Variants in SEMA6A observed in about 807,000 individuals in gnomAD.
SEMA6A encodes the protein semaphorin 6A, also known as semaphorin-6A.
SEMA6A carries 25 observed loss-of-function variants against 96.8 expected under a neutral mutation model. That is an observed-to-expected ratio of 0.26 (90% confidence interval 0.19 to 0.36). SEMA6A has a LOEUF of 0.36. SEMA6A is among the 10% of genes least tolerant of loss of function. The pLI is 1.00. For missense variants in SEMA6A, 1,363 were observed against 1,323.1 expected, an observed-to-expected ratio of 1.03 and a Z score of -0.47; for synonymous variants, 612 against 518.0, an observed-to-expected ratio of 1.18 and a Z score of -2.46.
intron 17 of SEMA6A, 98 bp downstream of exon 17, chr5:116,472,975 A>G: frequency 6.6e-7 from 1 of 1,516,314 alleles, no homozygotes; most frequent in South Asian, 1.3e-5. Context: ...AATTAAAAAG[A>G]AACTTAAGAT....
intron 11 of SEMA6A, among the ~76,000 whole-genome samples, chr5:116,481,117 C>A (rs905295683): frequency 1.3e-5 from 2 of 152,176 alleles, no homozygotes; most frequent in African/African-American, 4.8e-5. Context: ...CGTAGAGCAT[C>A]CTGACTGCTG....
intron 16 of SEMA6A, among the ~76,000 whole-genome samples, chr5:116,473,396 C>T (rs921413035): frequency 4.6e-5 from 7 of 152,340 alleles, no homozygotes; most frequent in Admixed American, 2.0e-4. Context: ...AGAGTTTAAA[C>T]CCTTCTTTAT....
chr5:116,505,961 AT>A (rs1429384281), intron 1 of SEMA6A, among the ~76,000 whole-genome samples: 2 of 152,172 alleles, frequency 1.3e-5, no homozygotes, highest in African/African-American at 2.4e-5. Context: ...TATCATGAAA[AT>A]TAATGTAAAA....
intron 1 of SEMA6A, among the ~76,000 whole-genome samples, chr5:116,516,974 A>C (rs1758696913): frequency 6.6e-6 from 1 of 152,156 alleles, no homozygotes; most frequent in Non-Finnish European, 1.5e-5. Flanking sequence ...CCTTAAGTTT[A>C]AAGAAAAATA....
rs1443980235 is a variant in SEMA6A at position 116,512,950 on chromosome 5, T to G, written c.-38-7968A>C. On this transcript the variant is annotated intron_variant, in intron 1 of 18. Transcript: ENST00000343348. Reference sequence around the variant, plus strand: ...GCCATCACCATCTTTGTAAACGTTCTTTGTTTGTTTGTTGTTGGCTTAAAG... The same window carrying G: ...GCCATCACCATCTTTGTAAACGTTCGTTGTTTGTTTGTTGTTGGCTTAAAG... Among the ~76,000 whole-genome samples the G allele has an allele frequency of 3.3e-5, 5 of 152,324 alleles. No homozygotes were observed. The East Asian group carries it at 9.6e-4, about 29-fold the overall frequency.
At chr5:116,476,467 T>A (rs1447975716) in intron 15 of SEMA6A, among the ~76,000 whole-genome samples, 1 of 152,184 alleles carries the variant, frequency 6.6e-6, no homozygotes, top group East Asian at 1.9e-4. Context: ...TTCTAATCTT[T>A]TTTGCCACAT....
intron 1 of SEMA6A, among the ~76,000 whole-genome samples, chr5:116,532,889 A>C (rs1048982681): frequency 2.0e-5 from 3 of 152,196 alleles, no homozygotes; most frequent in African/African-American, 7.2e-5. Context: ...CACTTAGCCA[A>C]TTGTTAAGGT....
chr5:116,538,598 GC>G (rs1759827773), intron 1 of SEMA6A, among the ~76,000 whole-genome samples: 1 of 152,056 alleles, frequency 6.6e-6, no homozygotes, highest in South Asian at 2.1e-4. Flanking sequence ...ATGTGTTTTT[GC>G]CTTCAACAAA....
At chr5:116,511,567 A>G (rs1245887911) in intron 1 of SEMA6A, among the ~76,000 whole-genome samples, 1 of 152,232 alleles carries the variant, frequency 6.6e-6, no homozygotes, top group East Asian at 1.9e-4. Flanking sequence ...GTTCATATAT[A>G]GGCTGATGCA....
At chr5:116,491,600 A>T (rs1332091083) in intron 7 of SEMA6A, 140 bp downstream of exon 7, 1 of 660,756 alleles carries the variant, frequency 1.5e-6, no homozygotes. Context: ...CTAATTTCAA[A>T]CAGAAAGGCA....
At chr5:116,477,218 C>T (rs1756498768) in intron 15 of SEMA6A, among the ~76,000 whole-genome samples, 1 of 152,082 alleles carries the variant, frequency 6.6e-6, no homozygotes, top group Non-Finnish European at 1.5e-5. Context: ...TAGCTAATGC[C>T]ATCTAAGCAT....
At chr5:116,510,421 G>T (rs888589488) in intron 1 of SEMA6A, among the ~76,000 whole-genome samples, 23 of 152,206 alleles carry the variant, frequency 1.5e-4, no homozygotes, top group Non-Finnish European at 2.6e-4. Flanking sequence ...AAAAGAGCAG[G>T]GGGTGAAACC....
chr5:116,466,319 C>T (rs1755751359), intron 18 of SEMA6A, among the ~76,000 whole-genome samples: 1 of 146,816 alleles, frequency 6.8e-6, no homozygotes, highest in East Asian at 2.0e-4. Context: ...GCGGAGGTTG[C>T]AGTGAGCTGA....
At chr5:116,492,853 C>T (rs924313033) in intron 6 of SEMA6A, among the ~76,000 whole-genome samples, 9 of 152,154 alleles carry the variant, frequency 5.9e-5, no homozygotes, top group African/African-American at 2.2e-4. Context: ...CACTTTGAAC[C>T]TTTGTCCTGA....
At position 116,446,678 on chromosome 5, in the gene SEMA6A, C is replaced by T. The variant is rs1476530522; in HGVS notation, c.3028G>A (p.Val1010Ile). 1.2e-5 allele frequency: 19 copies of T among 1,560,958 alleles called. No individual in the cohort carries two copies. Among genetic ancestry groups the T allele is most frequent in the East Asian group, 2.3e-5 (1 of 43,948 alleles). Residue 1010 changes from valine to isoleucine, a missense_variant, in exon 19 of 19, where the codon GTA (valine) becomes ATA (isoleucine). Val to Ile is a conservative substitution (Grantham distance 29). Transcript: ENST00000343348. ...GGAGCAAAGGATGGTTTGGGGGGTA[C>T]GTCCGGCTTTAGCGAGGGCGTACGC... ...LKRTPSLKPD[V>I]PPKPSFAPLS...
Position 116,447,256 on chromosome 5 carries a change from A to T in SEMA6A, c.2450T>A (p.Val817Asp). ...GTAGCCCTGCTGCGTGATGGGCAGG[A>T]CCACCACGCTGGGGATGTGGCTGGG... Reference protein sequence around the residue: ...ASPSHIPSVVVLPITQQGYQH... With the variant: ...ASPSHIPSVVDLPITQQGYQH... Residue 817 changes from valine to aspartate, a missense_variant, in exon 19 of 19, where the codon GTC (valine) becomes GAC (aspartate). Coordinates refer to ENST00000343348, the MANE Select transcript of SEMA6A (RefSeq NM_020796.5). 6.2e-7 allele frequency: 1 copy of T among 1,613,928 alleles called. No individual in the cohort carries two copies. The highest frequency in any genetic ancestry group is 8.5e-7 in the Non-Finnish European group (1 of 1,179,890).
intron 18 of SEMA6A, among the ~76,000 whole-genome samples, chr5:116,448,400 C>T (rs1177117650): frequency 6.6e-6 from 1 of 152,078 alleles, no homozygotes; most frequent in African/African-American, 2.4e-5. Flanking sequence ...GCACTTTCTA[C>T]TCTGCTTCAC....
chr5:116,496,187 C>A, intron 5 of SEMA6A, 64 bp downstream of exon 5: 2 of 1,327,364 alleles, frequency 1.5e-6, no homozygotes, highest in South Asian at 2.4e-5. Context: ...CGGTCTATGG[C>A]TGGAGATAAC....
At chr5:116,450,979 T>A (rs187717363) in intron 18 of SEMA6A, among the ~76,000 whole-genome samples, 1 of 152,212 alleles carries the variant, frequency 6.6e-6, no homozygotes. Flanking sequence ...CTTTGTGGAA[T>A]AGCCATTGTG....
Sources: allele counts gnomAD v4.1 joint callset (sites outside exome capture counted in the v4.1 genomes callset), GRCh38; gene constraint gnomAD v4.1.1; transcripts MANE v1.5; gene names NCBI Gene and HGNC (gene_info 2026-07-23, HGNC 2026-07-21).